Variants in ASH2L observed in about 807,000 individuals in gnomAD.
ASH2L encodes ASH2 like, histone lysine methyltransferase complex subunit.
Under a neutral mutation model 81.1 loss-of-function variants are expected in ASH2L, and 30 were observed. The ratio of observed to expected loss-of-function variants is 0.37; its 90% CI spans 0.28 to 0.50. ASH2L has a LOEUF of 0.50. Ranked by LOEUF, ASH2L falls within the 20% of genes least tolerant of loss-of-function variation. The probability of loss-of-function intolerance (pLI) is 0.95; values close to 1 mark genes in which losing one functional copy is unlikely to be tolerated. For missense variants in ASH2L, 559 were observed against 792.1 expected, an observed-to-expected ratio of 0.71 and a Z score of 3.53; for synonymous variants, 273 against 279.9, an observed-to-expected ratio of 0.98 and a Z score of 0.24.
At chr8:38,135,018 G>A (rs1461002022) in intron 13 of ASH2L, among the ~76,000 whole-genome samples, 1 of 151,568 alleles carries the variant, frequency 6.6e-6, no homozygotes, top group African/African-American at 2.4e-5. Flanking sequence ...AAACAGGTGT[G>A]GTCCCAAGGA....
intron 3 of ASH2L, among the ~76,000 whole-genome samples, chr8:38,108,187 G>A (rs1044948930): frequency 6.6e-6 from 1 of 152,074 alleles, no homozygotes; most frequent in Non-Finnish European, 1.5e-5. Flanking sequence ...TGTGACTTGT[G>A]ATTTAGGAAA....
chr8:38,127,724 C>T (rs777546873), intron 10 of ASH2L, among the ~76,000 whole-genome samples: 16 of 131,190 alleles, frequency 1.2e-4, no homozygotes, highest in East Asian at 2.2e-4. Context: ...GCCTGGGCTA[C>T]AGAACAAGAC....
intron 12 of ASH2L, 34 bp from the exon 13 acceptor site, chr8:38,133,420 T>G: frequency 6.7e-7 from 1 of 1,501,266 alleles, no homozygotes; most frequent in Non-Finnish European, 9.2e-7. Flanking sequence ...AGCTGATGCT[T>G]TATTGTGCCT....
Position 38,116,614 on chromosome 8 carries a change from C to G in ASH2L, c.778-36C>G, listed in dbSNP as rs533517968. 4 of 1,533,554 alleles carry G rather than the reference C, an allele frequency of 2.6e-6. No individual in the cohort carries two copies. In the South Asian group the frequency reaches 3.4e-5, roughly 13 times the overall value. The allele number at this position is 1,533,554 out of a possible 1,614,324, so 95.0% of individuals were successfully genotyped here. A position where few individuals can be genotyped will look rare whatever the true frequency, so the allele number is the denominator to read the frequency against. On this transcript the variant is annotated intron_variant, in intron 7 of 15. Coordinates refer to ENST00000343823, the MANE Select transcript of ASH2L (RefSeq NM_004674.5). Reference sequence around the variant, plus strand: ...ATGAGCATCCAGATTGACTGACTTACGTAGACTCCTTTTTTAATTGGATGT... The same window carrying G: ...ATGAGCATCCAGATTGACTGACTTAGGTAGACTCCTTTTTTAATTGGATGT...
intron 12 of ASH2L, 101 bp from the exon 13 acceptor site, chr8:38,133,353 T>C: frequency 1.3e-6 from 1 of 755,832 alleles, no homozygotes. Flanking sequence ...ATATCTGTTG[T>C]AGAGCTCAAG....
In ASH2L at chr8:38,128,066, A is replaced by G. The variant is rs113055708; in HGVS notation, c.1166-225A>G. Among the ~76,000 whole-genome samples, 1,002 of 152,066 alleles carry G rather than the reference A, an allele frequency of 6.6e-3. 11 individuals carry two copies. Among genetic ancestry groups the G allele is most frequent in the African/African-American group, 0.023 (957 of 41,496 alleles). ...ATCTCAAAAAAAAAAAGATAATCAC[A>G]TGTAATAAAAACTAAGTAACCTAAC... On this transcript the variant is annotated intron_variant, in intron 10 of 15. Coordinates refer to ENST00000343823, the MANE Select transcript of ASH2L (RefSeq NM_004674.5).
chr8:38,120,604 T>G (rs1811096227), intron 9 of ASH2L, among the ~76,000 whole-genome samples: 1 of 15,400 alleles, frequency 6.5e-5, no homozygotes, highest in East Asian at 7.2e-4. Flanking sequence ...ATCACCCCCA[T>G]TCCTCTCCTC....
intron 4 of ASH2L, 89 bp downstream of exon 4, chr8:38,110,556 T>C: frequency 7.6e-7 from 1 of 1,319,880 alleles, no homozygotes; most frequent in South Asian, 1.2e-5. Flanking sequence ...GACCTTTGCC[T>C]AGTAGCTGGT....
Position 38,105,579 on chromosome 8 carries a change from A to AGGAAGCGGGTGCCGGGCCTGGCCC in ASH2L, c.30_53dup (p.Glu11_Pro18dup). ...GCGGCGGCAGGAGCAGGACCTGGCC[A>AGGAAGCGGGTGCCGGGCCTGGCCC]GGAAGCGGGTGCCGGGCCTGGCCCA... On this transcript the variant is annotated inframe_insertion, in exon 1 of 16. Coordinates refer to ENST00000343823, the MANE Select transcript of ASH2L (RefSeq NM_004674.5). The AGGAAGCGGGTGCCGGGCCTGGCCC allele has an allele frequency of 3.2e-6, 5 of 1,586,488 alleles. No individual in the cohort carries two copies. The highest frequency in any genetic ancestry group is 4.3e-6 in the Non-Finnish European group (5 of 1,165,318).
chr8:38,128,566 A>C, intron 11 of ASH2L, 108 bp downstream of exon 11: 1 of 1,491,482 alleles, frequency 6.7e-7, no homozygotes, highest in Non-Finnish European at 9.0e-7. Context: ...TGGGCATAGA[A>C]TTCAGTTCCT....
intron 10 of ASH2L, among the ~76,000 whole-genome samples, chr8:38,127,607 G>A (rs564342838): frequency 3.3e-5 from 5 of 151,734 alleles, no homozygotes; most frequent in African/African-American, 9.7e-5. Flanking sequence ...TTAGCTGGGC[G>A]TGGTGGTGGG....
rs867927505 is a variant in ASH2L at position 38,117,309 on chromosome 8, G to A, written c.853+584G>A. The stretch of plus-strand genomic sequence containing the variant: ...TTAACCTGTCTTTTGGAGTGGTCGC[G>A]TCTTAAATATCTGATCATTTCTACT... On this transcript the variant is annotated intron_variant, in intron 8 of 15. Transcript: ENST00000343823. The A allele has an allele frequency of 4.6e-5, 15 of 322,950 alleles. No individual in the cohort carries two copies. The South Asian group carries it at 6.1e-4, about 13-fold the overall frequency. 20.0% of individuals were successfully genotyped at this position (322,950 alleles called of 1,614,324 possible).
chr8:38,107,904 G>GTGTA (rs398047186), intron 3 of ASH2L, among the ~76,000 whole-genome samples: 9 of 139,926 alleles, frequency 6.4e-5, no homozygotes, highest in African/African-American at 1.4e-4. Context: ...GTGTGTGTGT[G>GTGTA]TATATGTATA....
In ASH2L at chr8:38,126,455, A is replaced by G. The variant is rs1469649052; in HGVS notation, c.1166-1836A>G. On this transcript the variant is annotated intron_variant, in intron 10 of 15. Coordinates refer to ENST00000343823, the MANE Select transcript of ASH2L (RefSeq NM_004674.5). ...GGTCCATGGATTATTTAATAGTATT[A>G]TTGTTAATTTTCTGGTTTTGATGAT... 7.2e-5 allele frequency among the ~76,000 whole-genome samples: 11 copies of G among 152,158 alleles called. 1 individual carries two copies. The highest frequency in any genetic ancestry group is 7.2e-4 in the Admixed American group (11 of 15,260).
In ASH2L at chr8:38,105,632, G is replaced by T; in HGVS notation, c.82G>T (p.Glu28Ter). Residue 28 changes from glutamate to a stop codon, truncating the protein, a stop_gained, in exon 1 of 16, where the codon GAA (glutamate) becomes TAA (stop). Coordinates refer to ENST00000343823, the MANE Select transcript of ASH2L (RefSeq NM_004674.5). LOFTEE classifies it high-confidence loss of function. ...AGCGGTCGCAAATGCAACAGGGGCA[G>T]AAGAGGGGGAGATGAAGCCGGTGGC... Reference protein sequence around the residue: ...PGAVANATGAEEGEMKPVAAG... With the variant: ...PGAVANATGA The T allele has an allele frequency of 6.2e-7, 1 of 1,604,786 alleles. No individual in the cohort carries two copies. Among genetic ancestry groups the T allele is most frequent in the Non-Finnish European group, 8.5e-7 (1 of 1,176,696 alleles).
intron 10 of ASH2L, among the ~76,000 whole-genome samples, chr8:38,128,032 C>T (rs1315271000): frequency 2.5e-5 from 3 of 118,528 alleles, no homozygotes; most frequent in East Asian, 2.3e-4. Flanking sequence ...GGCGACAGAG[C>T]GGGACTCCAT....
At chr8:38,120,081 C>T (rs1005518425) in intron 9 of ASH2L, among the ~76,000 whole-genome samples, 2 of 152,132 alleles carry the variant, frequency 1.3e-5, no homozygotes, top group East Asian at 1.9e-4. Flanking sequence ...GCTGAGATCG[C>T]GCTATCGCAC....
At chr8:38,117,441 T>A in intron 8 of ASH2L, 1 of 985,382 alleles carries the variant, frequency 1.0e-6, no homozygotes, top group Non-Finnish European at 1.2e-6. Context: ...GTGCCACTTC[T>A]GTTCTTACAG....
At chr8:38,107,996 A>G (rs1467295307) in intron 3 of ASH2L, among the ~76,000 whole-genome samples, 1 of 151,588 alleles carries the variant, frequency 6.6e-6, no homozygotes, top group African/African-American at 2.4e-5. Context: ...GTGCAATGGC[A>G]GGATCACAGC....
Sources: allele counts gnomAD v4.1 joint callset (sites outside exome capture counted in the v4.1 genomes callset), GRCh38; gene constraint gnomAD v4.1.1; transcripts MANE v1.5; gene names NCBI Gene and HGNC (gene_info 2026-07-23, HGNC 2026-07-21).